Variants in CACNA1A observed in about 807,000 individuals in gnomAD.
CACNA1A encodes the protein voltage-dependent P/Q-type calcium channel subunit alpha-1A.
CACNA1A carries 57 observed loss-of-function variants against 262.4 expected under a neutral mutation model. The ratio of observed to expected loss-of-function variants is 0.22; its 90% CI spans 0.18 to 0.27. The LOEUF (loss-of-function observed/expected upper bound fraction) is 0.27, where lower values mean the gene tolerates loss of function less well. Among genes scored for constraint, CACNA1A ranks in the 10% least tolerant of loss-of-function variants. CACNA1A has a pLI of 1.00. For synonymous variants in CACNA1A, 1,431 were observed against 1,419.3 expected, an observed-to-expected ratio of 1.01 and a Z score of -0.18; for missense variants, 2,526 against 3,562.8, an observed-to-expected ratio of 0.71 and a Z score of 7.41.
chr19:13,262,637 T>C, intron 25 of CACNA1A, 97 bp downstream of exon 25: 1 of 738,626 alleles, frequency 1.4e-6, no homozygotes, highest in East Asian at 2.7e-5. Context: ...CAGCACCTCC[T>C]TTAATGTGTT....
At chr19:13,311,057 T>C (rs4630687) in intron 12 of CACNA1A, among the ~76,000 whole-genome samples, 37,186 of 152,092 alleles carry the variant, frequency 0.24, 4,789 homozygotes, top group East Asian at 0.34. Flanking sequence ...CCTCTCAAAG[T>C]GCTGGGATTA....
intron 3 of CACNA1A, among the ~76,000 whole-genome samples, chr19:13,432,448 T>TAAATAAATAAATAAAA (rs530882941): frequency 1.3e-5 from 2 of 150,140 alleles, no homozygotes; most frequent in African/African-American, 4.9e-5. Context: ...AATAAATAAA[T>TAAATAAATAAATAAAA]AAAAATTAAA....
intron 10 of CACNA1A, among the ~76,000 whole-genome samples, chr19:13,325,196 C>CTTCTT (rs1555765259): frequency 7.8e-6 from 1 of 128,024 alleles, no homozygotes; most frequent in Non-Finnish European, 1.6e-5. Context: ...TCTTCTTCTT[C>CTTCTT]TTTTTTTTTT....
chr19:13,237,944 CA>C (rs577623087), intron 31 of CACNA1A, among the ~76,000 whole-genome samples: 45 of 152,306 alleles, frequency 3.0e-4, no homozygotes, highest in Middle Eastern at 6.8e-3. Context: ...GAAGCAGCCT[CA>C]GGAGGGGGGT....
chr19:13,323,077 G>C (rs187770158), intron 10 of CACNA1A, among the ~76,000 whole-genome samples: 1 of 152,126 alleles, frequency 6.6e-6, no homozygotes, highest in South Asian at 2.1e-4. Flanking sequence ...TTCAAGACCA[G>C]CCTGACCAAC....
chr19:13,210,611 A>G lies in CACNA1A; in HGVS notation c.6339+6T>C. 6.4e-7 allele frequency: 1 copy of G among 1,562,536 alleles called. No homozygotes were observed. The highest frequency in any genetic ancestry group is 1.2e-5 in the South Asian group (1 of 84,656). On this transcript the variant is annotated splice_donor_region_variant and intron_variant, in intron 44 of 46. Transcript: ENST00000360228. The stretch of plus-strand genomic sequence containing the variant: ...CTGCTGGGCGCTGGGCAGGCGCGGT[A>G]CATACACTGAGGTTATTCCCACGTG...
In CACNA1A at chr19:13,486,969, C is replaced by G. The variant is rs781483331; in HGVS notation, c.293+18963G>C. On this transcript the variant is annotated intron_variant, in intron 1 of 46. Transcript: ENST00000360228. ...TTATTTATCAGGTGGCTACCCTGTG[C>G]TGGACACAGTGCTAAAAAAGAGGCC... 8.6e-4 allele frequency among the ~76,000 whole-genome samples: 131 copies of G among 152,266 alleles called. 1 individual carries two copies. Among genetic ancestry groups the G allele is most frequent in the Non-Finnish European group, 1.1e-3 (74 of 68,042 alleles).
chr19:13,341,041 C>T (rs2058668588), intron 6 of CACNA1A, among the ~76,000 whole-genome samples: 2 of 152,130 alleles, frequency 1.3e-5, no homozygotes, highest in Non-Finnish European at 2.9e-5. Flanking sequence ...CACTGCACTC[C>T]AGCCTGGGAG....
intron 3 of CACNA1A, among the ~76,000 whole-genome samples, chr19:13,413,153 C>G (rs1173271333): frequency 6.6e-6 from 1 of 150,904 alleles, no homozygotes; most frequent in African/African-American, 2.4e-5. Flanking sequence ...GTCGCCCAGG[C>G]TGGAGTGCAG....
chr19:13,248,301 C>T (rs377714198), intron 30 of CACNA1A, among the ~76,000 whole-genome samples: 1 of 147,406 alleles, frequency 6.8e-6, no homozygotes, highest in East Asian at 2.1e-4. Context: ...GGAGACCAGG[C>T]GTGGTGGCTC....
chr19:13,445,581 C>T (rs921005904), intron 3 of CACNA1A, among the ~76,000 whole-genome samples: 1 of 152,298 alleles, frequency 6.6e-6, no homozygotes, highest in Non-Finnish European at 1.5e-5. Flanking sequence ...AAATTGTGCT[C>T]ACCCCTCTCT....
intron 6 of CACNA1A, among the ~76,000 whole-genome samples, chr19:13,354,064 A>C (rs190379340): frequency 6.6e-6 from 1 of 152,290 alleles, no homozygotes; most frequent in Non-Finnish European, 1.5e-5. Flanking sequence ...CAGTGTCTCC[A>C]ATCACCTAAT....
chr19:13,412,625 G>A (rs10402682), intron 3 of CACNA1A, among the ~76,000 whole-genome samples: 5,842 of 151,264 alleles, frequency 0.039, 228 homozygotes, highest in South Asian at 0.12. Context: ...CTACAGGCGC[G>A]TGCCACCATA....
chr19:13,464,461 G>A (rs2061184070), intron 1 of CACNA1A, among the ~76,000 whole-genome samples: 1 of 151,232 alleles, frequency 6.6e-6, no homozygotes, highest in Non-Finnish European at 1.5e-5. Context: ...ATAAAAACAG[G>A]ATACAATTTA....
At chr19:13,422,007 AGGATGCT>A (rs1452037566) in intron 3 of CACNA1A, among the ~76,000 whole-genome samples, 1 of 152,208 alleles carries the variant, frequency 6.6e-6, no homozygotes, top group Non-Finnish European at 1.5e-5. Context: ...CAGAAAGTAT[AGGATGCT>A]AGGGGATCCT....
At chr19:13,281,230 T>G (rs957308923) in intron 22 of CACNA1A, among the ~76,000 whole-genome samples, 8 of 151,382 alleles carry the variant, frequency 5.3e-5, no homozygotes, top group Non-Finnish European at 1.5e-5. Flanking sequence ...ATTTAAAAAT[T>G]AGCTGGGTGT....
chr19:13,443,344 T>A (rs1599466837), intron 3 of CACNA1A, among the ~76,000 whole-genome samples: 1 of 124,526 alleles, frequency 8.0e-6, no homozygotes. Flanking sequence ...AATAATTTTA[T>A]TTTTATTTTT....
chr19:13,371,584 G>A (rs1294941656), intron 4 of CACNA1A, 104 bp downstream of exon 4: 16 of 790,574 alleles, frequency 2.0e-5, no homozygotes, highest in Non-Finnish European at 3.4e-5. Context: ...CCCTCACACA[G>A]GCTGGTGGCA....
At chr19:13,278,434 C>T (rs1322797945) in intron 22 of CACNA1A, among the ~76,000 whole-genome samples, 1 of 152,200 alleles carries the variant, frequency 6.6e-6, no homozygotes, top group African/African-American at 2.4e-5. Context: ...CCGTCTTTCT[C>T]CTCCTTTATG....
Sources: gnomAD v4.1 joint callset for allele counts (sites outside exome capture counted in the v4.1 genomes callset) on GRCh38, gnomAD v4.1.1 for gene constraint, MANE v1.5 for transcripts, NCBI Gene and HGNC (gene_info 2026-07-23, HGNC 2026-07-21) for gene names.